MLLT3: variants seen among roughly 807,000 people sequenced by gnomAD.
The protein encoded by MLLT3 is protein AF-9.
MLLT3 carries 4 observed loss-of-function variants against 53.2 expected under a neutral mutation model. The ratio of observed to expected loss-of-function variants is 0.08; its 90% CI spans 0.04 to 0.17. The LOEUF (loss-of-function observed/expected upper bound fraction) is 0.17. MLLT3 is among the 10% of genes least tolerant of loss of function. MLLT3 has a pLI of 1.00. For synonymous variants in MLLT3, 283 were observed against 230.6 expected, an observed-to-expected ratio of 1.23 and a Z score of -2.06; for missense variants, 569 against 684.0, an observed-to-expected ratio of 0.83 and a Z score of 1.87.
chr9:20,593,860 T>A (rs953225586), intron 2 of MLLT3, among the ~76,000 whole-genome samples: 28 of 152,216 alleles, frequency 1.8e-4, no homozygotes, highest in African/African-American at 6.3e-4. Context: ...ATAACTTTGC[T>A]TATTTAGCTT....
intron 5 of MLLT3, among the ~76,000 whole-genome samples, chr9:20,401,217 T>G (rs1451819370): frequency 6.6e-6 from 1 of 152,198 alleles, no homozygotes; most frequent in Non-Finnish European, 1.5e-5. Context: ...TGCTCCTATC[T>G]TAAGCATTGT....
intron 2 of MLLT3, among the ~76,000 whole-genome samples, chr9:20,526,651 A>C (rs148963093): frequency 7.9e-5 from 12 of 152,320 alleles, no homozygotes; most frequent in African/African-American, 2.9e-4. Context: ...TGTCTTGTAC[A>C]TGTACCCACA....
chr9:20,381,719 CTG>C (rs1821913035), intron 5 of MLLT3, among the ~76,000 whole-genome samples: 1 of 151,768 alleles, frequency 6.6e-6, no homozygotes, highest in Admixed American at 6.6e-5. Context: ...AAGGGATACT[CTG>C]TTATTTTTCT....
At chr9:20,574,070 G>C (rs963323255) in intron 2 of MLLT3, among the ~76,000 whole-genome samples, 1 of 152,178 alleles carries the variant, frequency 6.6e-6, no homozygotes, top group Admixed American at 6.6e-5. Context: ...TATAGGGCTT[G>C]TTAAAATGCA....
chr9:20,414,080 G>T lies in MLLT3; in HGVS notation c.766C>A (p.Pro256Thr). 6.2e-7 allele frequency: 1 copy of T among 1,613,822 alleles called. No individual in the cohort carries two copies. Among genetic ancestry groups the T allele is most frequent in the East Asian group, 2.2e-5 (1 of 44,888 alleles). ...TTTGGCTCTTTTGACATGGGTTTAG[G>T]TTCCTTGAAGGCCATCTTAGGAACT... is the stretch of plus-strand genomic sequence containing the variant. ...KIVPKMAFKE[P>T]KPMSKEPKPD... The change falls in exon 5 of 11, where the codon CCT becomes ACT. Residue 256 changes from proline (P) to threonine (T), a missense_variant. Coordinates refer to ENST00000380338, the MANE Select transcript of MLLT3 (RefSeq NM_004529.4).
chr9:20,497,193 A>G (rs1287918960), intron 2 of MLLT3, among the ~76,000 whole-genome samples: 1 of 152,234 alleles, frequency 6.6e-6, no homozygotes, highest in African/African-American at 2.4e-5. Context: ...GTTGACAGAC[A>G]GTAGAATATG....
chr9:20,431,237 C>T (rs181302206), intron 4 of MLLT3, among the ~76,000 whole-genome samples: 142 of 152,142 alleles, frequency 9.3e-4, no homozygotes, highest in Non-Finnish European at 1.8e-3. Flanking sequence ...GTCGGCAGAC[C>T]AGCAATATTA....
chr9:20,526,831 C>G (rs556833908), intron 2 of MLLT3, among the ~76,000 whole-genome samples: 1 of 152,252 alleles, frequency 6.6e-6, no homozygotes, highest in African/African-American at 2.4e-5. Flanking sequence ...TTTAGCAATT[C>G]TGGTGGTGGT....
At chr9:20,547,473 G>A (rs2183538) in intron 2 of MLLT3, among the ~76,000 whole-genome samples, 68,984 of 151,208 alleles carry the variant, frequency 0.46, 16,132 homozygotes, top group East Asian at 0.64. Context: ...ATGAAACCCC[G>A]TCTCTATTAA....
At chr9:20,399,811 A>C (rs1360254829) in intron 5 of MLLT3, among the ~76,000 whole-genome samples, 3 of 152,184 alleles carry the variant, frequency 2.0e-5, no homozygotes, top group Non-Finnish European at 4.4e-5. Context: ...CTAGGGTACC[A>C]AAGTCATTCT....
intron 2 of MLLT3, among the ~76,000 whole-genome samples, chr9:20,520,654 C>G (rs1372373639): frequency 6.6e-6 from 1 of 152,176 alleles, no homozygotes; most frequent in African/African-American, 2.4e-5. Context: ...AAATGGTTGA[C>G]TGGGAGACAG....
At position 20,479,267 on chromosome 9, in the gene MLLT3, T is replaced by C. The variant is rs577021611; in HGVS notation, c.194-22481A>G. Reference sequence around the variant, plus strand: ...ATGCTTTCAGGTTTCTTAGGAAAGTTGTTAACTGTGTACTTGTACCCCAAG... The same window carrying C: ...ATGCTTTCAGGTTTCTTAGGAAAGTCGTTAACTGTGTACTTGTACCCCAAG... On this transcript the variant is annotated intron_variant, in intron 2 of 10. Transcript: ENST00000380338. Among the ~76,000 whole-genome samples, 59 of 152,318 alleles carry C rather than the reference T, an allele frequency of 3.9e-4. No homozygotes were observed. In the South Asian group the frequency reaches 7.3e-3, roughly 19 times the overall value.
At chr9:20,595,029 A>C (rs1483087184) in intron 2 of MLLT3, among the ~76,000 whole-genome samples, 1 of 151,974 alleles carries the variant, frequency 6.6e-6, no homozygotes, top group Non-Finnish European at 1.5e-5. Context: ...TTACTTCTCT[A>C]ATAAACTTAC....
At chr9:20,541,970 G>A (rs903639641) in intron 2 of MLLT3, among the ~76,000 whole-genome samples, 1 of 152,094 alleles carries the variant, frequency 6.6e-6, no homozygotes, top group Non-Finnish European at 1.5e-5. Flanking sequence ...AATCACAAAT[G>A]TTCATAATGG....
At chr9:20,436,315 G>A (rs1823402441) in intron 4 of MLLT3, among the ~76,000 whole-genome samples, 1 of 152,194 alleles carries the variant, frequency 6.6e-6, no homozygotes, top group Admixed American at 6.5e-5. Context: ...CAGATAGGTT[G>A]ATGCTGGCTT....
At chr9:20,500,719 T>C (rs1273591247) in intron 2 of MLLT3, among the ~76,000 whole-genome samples, 2 of 152,216 alleles carry the variant, frequency 1.3e-5, no homozygotes, top group African/African-American at 4.8e-5. Flanking sequence ...TTCCATCTTG[T>C]CTACTACAGT....
chr9:20,486,334 T>C (rs1824811949), intron 2 of MLLT3, among the ~76,000 whole-genome samples: 1 of 151,770 alleles, frequency 6.6e-6, no homozygotes, highest in African/African-American at 2.4e-5. Context: ...CTCAATGAAC[T>C]CAAGAAACAC....
chr9:20,534,580 T>C (rs1446304509), intron 2 of MLLT3, among the ~76,000 whole-genome samples: 2 of 152,132 alleles, frequency 1.3e-5, no homozygotes, highest in Non-Finnish European at 1.5e-5. Context: ...ACTAAACACA[T>C]AAGCACTTAG....
intron 2 of MLLT3, among the ~76,000 whole-genome samples, chr9:20,586,303 G>C (rs557773815): frequency 3.3e-5 from 5 of 150,628 alleles, no homozygotes; most frequent in African/African-American, 4.9e-5. Context: ...CTGGGTGACA[G>C]AGCAAGACCC....
Sources: allele counts gnomAD v4.1 joint callset (sites outside exome capture counted in the v4.1 genomes callset), GRCh38; gene constraint gnomAD v4.1.1; transcripts MANE v1.5; gene names NCBI Gene and HGNC (gene_info 2026-07-23, HGNC 2026-07-21).